Variants in PPEF1 observed in about 807,000 individuals in gnomAD.
PPEF1 encodes the protein serine/threonine-protein phosphatase with EF-hands 1.
Under a neutral mutation model 53.3 loss-of-function variants are expected in PPEF1, and 12 were observed. That is an observed-to-expected ratio of 0.23 (90% confidence interval 0.14 to 0.36). The LOEUF is 0.36. PPEF1 is among the 10% of genes least tolerant of loss of function. The pLI, the probability that PPEF1 is intolerant of heterozygous loss-of-function variation, is 1.00. For missense variants in PPEF1, 334 were observed against 490.4 expected (o/e 0.68, Z 3.01); for synonymous variants, 165 against 176.7 (o/e 0.93, Z 0.52).
intron 3 of PPEF1, among the ~76,000 whole-genome samples, chrX:18,743,209 C>T (rs754193279): frequency 1.8e-5 from 2 of 111,494 alleles, no homozygotes; most frequent in Non-Finnish European, 1.9e-5. Context: ...GGGGTTATAG[C>T]GCTTATATCT....
intron 1 of PPEF1, among the ~76,000 whole-genome samples, chrX:18,722,908 C>A (rs771626088): frequency 8.9e-6 from 1 of 111,777 alleles, no homozygotes; most frequent in Non-Finnish European, 1.9e-5. Flanking sequence ...TAACTGCATG[C>A]ACCTCAGTTG....
intron 3 of PPEF1, chrX:18,688,589 C>T (rs1434317531): frequency 1.8e-5 from 2 of 112,499 alleles, no homozygotes; most frequent in Admixed American, 9.4e-5. Flanking sequence ...ATTACTGACA[C>T]GTCAGTTTGC....
At chrX:18,806,615 A>C in intron 12 of PPEF1, 70 bp downstream of exon 12, 1 of 978,508 alleles carries the variant, frequency 1.0e-6, no homozygotes, top group Non-Finnish European at 1.4e-6. Flanking sequence ...CCACGTGACT[A>C]AGAGCAGCCA....
At chrX:18,784,619 T>G (rs1243484669) in intron 9 of PPEF1, among the ~76,000 whole-genome samples, 1 of 110,797 alleles carries the variant, frequency 9.0e-6, no homozygotes, top group Non-Finnish European at 1.9e-5. Context: ...ATTTCACCAC[T>G]CTAGGTACCT....
rs757534425 is a variant in PPEF1 at position 18,827,268 on chromosome X, T to G, written c.1751-8T>G. On this transcript the variant is annotated splice_polypyrimidine_tract_variant and splice_region_variant and intron_variant, in intron 15 of 15. Transcript: ENST00000470157. Reference sequence around the variant, plus strand: ...GAACACTCACAACCTTCTCCTATATTCTTTTAGGCCTGATCTCCGTGGAAG... The same window carrying G: ...GAACACTCACAACCTTCTCCTATATGCTTTTAGGCCTGATCTCCGTGGAAG... 30 of 1,196,638 alleles carry G rather than the reference T, an allele frequency of 2.5e-5. No homozygotes were observed. The South Asian group carries it at 5.3e-4, about 21-fold the overall frequency.
At chrX:18,717,808 T>C (rs113493684) in intron 1 of PPEF1, among the ~76,000 whole-genome samples, 4,314 of 111,614 alleles carry the variant, frequency 0.039, 237 homozygotes, top group African/African-American at 0.13. Flanking sequence ...GCTCTCTGGT[T>C]TTGTCACTCT....
chrX:18,797,973 C>T (rs1450620631), intron 10 of PPEF1, among the ~76,000 whole-genome samples: 5 of 111,396 alleles, frequency 4.5e-5, no homozygotes, highest in African/African-American at 1.3e-4. Flanking sequence ...GGATTACAAG[C>T]GTGAGCCACT....
At chrX:18,793,575 T>C (rs751112321) in intron 10 of PPEF1, among the ~76,000 whole-genome samples, 17 of 110,747 alleles carry the variant, frequency 1.5e-4, no homozygotes, top group Non-Finnish European at 2.8e-4. Flanking sequence ...TTGGGTGGAG[T>C]GTTTTATATA....
intron 1 of PPEF1, among the ~76,000 whole-genome samples, chrX:18,726,662 CTTT>C (rs11348941): frequency 3.7e-4 from 38 of 101,992 alleles, no homozygotes; most frequent in Admixed American, 2.2e-3. Flanking sequence ...TCAGTTATTT[CTTT>C]TTTTTTTTTA....
At chrX:18,789,717 TTCAC>T (rs2046290880) in intron 10 of PPEF1, among the ~76,000 whole-genome samples, 1 of 112,575 alleles carries the variant, frequency 8.9e-6, no homozygotes, top group Non-Finnish European at 1.9e-5. Flanking sequence ...TCTGGCTTCT[TTCAC>T]TCAGCACAAT....
intron 10 of PPEF1, among the ~76,000 whole-genome samples, chrX:18,799,093 G>A (rs1056154900): frequency 3.6e-5 from 4 of 111,351 alleles, no homozygotes; most frequent in Non-Finnish European, 7.6e-5. Flanking sequence ...AAAATTAGCC[G>A]GGCGTGGTGG....
chrX:18,725,991 C>T (rs191781130), intron 1 of PPEF1, among the ~76,000 whole-genome samples: 27 of 111,179 alleles, frequency 2.4e-4, no homozygotes, highest in Non-Finnish European at 4.5e-4. Flanking sequence ...CCTCTTTCTC[C>T]GCATCAGGGA....
intron 5 of PPEF1, among the ~76,000 whole-genome samples, chrX:18,761,249 A>G (rs1201027441): frequency 8.9e-6 from 1 of 111,941 alleles, no homozygotes; most frequent in Non-Finnish European, 1.9e-5. Flanking sequence ...TGAACTAGAT[A>G]ATTCATGTAA....
chrX:18,800,637 T>C (rs1380241759), intron 10 of PPEF1, among the ~76,000 whole-genome samples: 1 of 112,180 alleles, frequency 8.9e-6, no homozygotes, highest in East Asian at 2.8e-4. Flanking sequence ...CTTAATTCTA[T>C]CATGTCAAGG....
At chrX:18,805,132 G>A (rs937518061) in intron 11 of PPEF1, among the ~76,000 whole-genome samples, 16 of 108,299 alleles carry the variant, frequency 1.5e-4, no homozygotes, top group Non-Finnish European at 2.7e-4. Context: ...GATTACAGGC[G>A]CCCGCCACTA....
chrX:18,696,827 G>C (rs1929753445), intron 4 of PPEF1, among the ~76,000 whole-genome samples: 1 of 111,166 alleles, frequency 9.0e-6, no homozygotes, highest in African/African-American at 3.3e-5. Flanking sequence ...GGTGCTACGG[G>C]GCTTCGAGGT....
chrX:18,803,334 C>T (rs764047093), intron 10 of PPEF1, among the ~76,000 whole-genome samples: 1 of 112,909 alleles, frequency 8.9e-6, no homozygotes, highest in African/African-American at 3.2e-5. Context: ...TCCTTGCCTT[C>T]ATTCCCGTAA....
At chrX:18,679,214 C>T (rs769933141), upstream of PPEF1, among the ~76,000 whole-genome samples, 27 of 112,059 alleles carry the variant, frequency 2.4e-4, no homozygotes, top group African/African-American at 7.8e-4. Context: ...CTTGGGATCA[C>T]AGGCGTGCGC....
chrX:18,805,701 G>T (rs2046644609), intron 11 of PPEF1, among the ~76,000 whole-genome samples: 1 of 109,537 alleles, frequency 9.1e-6, no homozygotes, highest in Non-Finnish European at 1.9e-5. Flanking sequence ...AAATTAGCTG[G>T]GCGTGGTGGC....
Sources: gnomAD v4.1 joint callset for allele counts (sites outside exome capture counted in the v4.1 genomes callset) on GRCh38, gnomAD v4.1.1 for gene constraint, MANE v1.5 for transcripts, NCBI Gene and HGNC (gene_info 2026-07-23, HGNC 2026-07-21) for gene names.